TNS2: variants seen among roughly 807,000 people sequenced by gnomAD.
TNS2 encodes the protein tensin 2, also known as tensin-2.
TNS2 carries 77 observed loss-of-function variants against 155.7 expected under a neutral mutation model. That is an observed-to-expected ratio of 0.49 (90% confidence interval 0.41 to 0.60). TNS2 has a LOEUF of 0.60. Ranked by LOEUF, TNS2 falls within the 20% of genes least tolerant of loss-of-function variation. TNS2 has a pLI of 0.00. For synonymous variants in TNS2, 726 were observed against 763.9 expected (o/e 0.95, Z 0.82); for missense variants, 1,703 against 1,868.8 (o/e 0.91, Z 1.64).
Position 53,060,973 on chromosome 12 carries a change from C to T in TNS2, c.3067C>T (p.Pro1023Ser), listed in dbSNP as rs773057802. Reference protein sequence around the residue: ...RHAPWQGPRGPPDSPDGSPLT... With the variant: ...RHAPWQGPRGSPDSPDGSPLT... ...CGCCCCCTGGCAAGGCCCTCGAGGC[C>T]CCCCCGACAGCCCAGATGGGTCTCC... Residue 1023 changes from proline to serine, a missense_variant, in exon 20 of 29, where the codon CCC (proline) becomes TCC (serine). By Grantham distance (74) the Pro-to-Ser change is moderately conservative. Transcript: ENST00000314250. The surrounding 1 kb of genome is among the most constrained non-coding windows in gnomAD (Gnocchi z 6.1). 2 of 1,609,622 alleles carry T rather than the reference C, an allele frequency of 1.2e-6. No homozygotes were observed. Among genetic ancestry groups the T allele is most frequent in the Admixed American group, 1.7e-5 (1 of 59,494 alleles).
chr12:53,047,400 G>A (rs1458778661), upstream of TNS2, among the ~76,000 whole-genome samples: 2 of 145,926 alleles, frequency 1.4e-5, no homozygotes, highest in East Asian at 4.0e-4. Context: ...CGCTGGGCGG[G>A]CGGCGGTCTC....
In TNS2 at chr12:53,060,735, C is replaced by T. The variant is rs771398245; in HGVS notation, c.2829C>T (p.Gly943=). Residue 943 remains glycine, a synonymous_variant, in exon 20 of 29, where the codon GGC becomes GGT. Transcript: ENST00000314250. The surrounding 1 kb of genome is among the most constrained non-coding windows in gnomAD (Gnocchi z 6.1). ...TSAPTQRLSP[G]EALPPVSQAG... is the part of the protein sequence containing the mutation. ...CGCCCACTCAGAGACTGAGTCCTGG[C>T]GAGGCCTTGCCCCCTGTTTCCCAGG... The T allele has an allele frequency of 4.4e-6, 7 of 1,607,132 alleles. No homozygotes were observed. Among genetic ancestry groups the T allele is most frequent in the South Asian group, 2.2e-5 (2 of 90,362 alleles).
Position 53,057,005 on chromosome 12 carries a change from A to G in TNS2, c.762-8A>G, listed in dbSNP as rs1027693904. The G allele has an allele frequency of 1.4e-5, 22 of 1,612,420 alleles. No individual in the cohort carries two copies. The highest frequency in any genetic ancestry group is 1.8e-5 in the Non-Finnish European group (21 of 1,179,422). ...CCTAATCCCCAACACTGGCCTTGCT[A>G]TCCCCAGGGCGGACCAGGCACTGGC... is the stretch of plus-strand genomic sequence containing the variant. On this transcript the variant is annotated splice_region_variant and splice_polypyrimidine_tract_variant and intron_variant, in intron 10 of 28. Coordinates refer to ENST00000314250, the MANE Select transcript of TNS2 (RefSeq NM_170754.4).
At position 53,063,610 on chromosome 12, in the gene TNS2, T is replaced by A. The variant is rs1944454944; in HGVS notation, c.4091+18T>A. On this transcript the variant is annotated intron_variant, in intron 28 of 28. Transcript: ENST00000314250. This position sits in a 1 kb window ranked among gnomAD's most constrained non-coding sequence, Gnocchi z 5.6. ...ACCTCCAAGTAAGCCTCCCCACGAA[T>A]TCAGCCTCTTCCTTCCAAGGGACCA... The A allele has an allele frequency of 6.2e-7, 1 of 1,613,658 alleles. No homozygotes were observed. Among genetic ancestry groups the A allele is most frequent in the Admixed American group, 1.7e-5 (1 of 59,966 alleles).
At position 53,053,764 on chromosome 12, in the gene TNS2, C is replaced by G. The variant is rs764818529; in HGVS notation, c.262-10C>G. 3 of 1,610,778 alleles carry G rather than the reference C, an allele frequency of 1.9e-6. No individual in the cohort carries two copies. The highest frequency in any genetic ancestry group is 1.7e-5 in the Admixed American group (1 of 58,688). ...TAACCACTCCCTTTTCCTCCCCCAT[C>G]TCCCTCTAGCGGCGAAACACGGCCC... On this transcript the variant is annotated splice_polypyrimidine_tract_variant and intron_variant, in intron 4 of 28. Coordinates refer to ENST00000314250, the MANE Select transcript of TNS2 (RefSeq NM_170754.4).
rs771619962 is a variant in TNS2 at position 53,063,756 on chromosome 12, C to T, written c.4104C>T (p.Phe1368=). 7.4e-6 allele frequency: 12 copies of T among 1,613,984 alleles called. No homozygotes were observed. Among genetic ancestry groups the T allele is most frequent in the African/African-American group, 5.3e-5 (4 of 74,930 alleles). ...TTTATCCCCCTAGGATCTTTGGTTT[C>T]GTGGCCAAGAAGCCGGGAAGCCCCT... ...PDGTTSKIFG[F]VAKKPGSPWE... Residue 1368 remains phenylalanine (F), a synonymous_variant, in exon 29 of 29, where the codon TTC becomes TTT. Coordinates refer to ENST00000314250, the MANE Select transcript of TNS2 (RefSeq NM_170754.4). This position sits in a 1 kb window ranked among gnomAD's most constrained non-coding sequence, Gnocchi z 5.6.
In TNS2 at chr12:53,061,193, C is replaced by T. The variant is rs766000141; in HGVS notation, c.3287C>T (p.Ser1096Leu). Reference protein sequence around the residue: ...PGPWGPEQASSPARGISHHVT... With the variant: ...PGPWGPEQASLPARGISHHVT... ...CCCTGGGGCCCAGAGCAGGCATCATCGCCAGCCAGAGGCATCAGTCACCAT... is the reference window on the plus strand; with the variant it reads ...CCCTGGGGCCCAGAGCAGGCATCATTGCCAGCCAGAGGCATCAGTCACCAT... The change falls in exon 20 of 29, where the codon TCG (serine) becomes TTG (leucine). Residue 1096 changes from serine to leucine, a missense_variant. Physicochemically the swap from Ser to Leu is moderately radical, Grantham distance 145. Coordinates refer to ENST00000314250, the MANE Select transcript of TNS2 (RefSeq NM_170754.4). 1.1e-4 allele frequency: 178 copies of T among 1,585,064 alleles called. No homozygotes were observed. Among genetic ancestry groups the T allele is most frequent in the Non-Finnish European group, 1.3e-4 (151 of 1,166,232 alleles).
rs762881429 is a variant in TNS2 at position 53,053,947 on chromosome 12, C to CT, written c.301-17dup. The CT allele has an allele frequency of 1.9e-6, 3 of 1,614,174 alleles. No homozygotes were observed. Among genetic ancestry groups the CT allele is most frequent in the Non-Finnish European group, 1.7e-6 (2 of 1,180,012 alleles). On this transcript the variant is annotated splice_polypyrimidine_tract_variant and intron_variant, in intron 5 of 28. Coordinates refer to ENST00000314250, the MANE Select transcript of TNS2 (RefSeq NM_170754.4). ...GGGTACCCAAAGAGATGTCTAGACACTGTCTGTTAACCACCAGGGATCCAC... is the reference window on the plus strand; with the variant it reads ...GGGTACCCAAAGAGATGTCTAGACACTTGTCTGTTAACCACCAGGGATCCAC...
In TNS2 at chr12:53,061,451, C is replaced by CA; in HGVS notation, c.3431dup (p.His1144GlnfsTer5). 2 of 1,614,096 alleles carry CA rather than the reference C, an allele frequency of 1.2e-6. No individual in the cohort carries two copies. The highest frequency in any genetic ancestry group is 1.7e-6 in the Non-Finnish European group (2 of 1,180,012). Reference sequence around the variant, plus strand: ...TACATCCAAGTTCTGGTACAAGCCACACCTGTCCCGTGACCAAGGTGAGAA... The same window carrying CA: ...TACATCCAAGTTCTGGTACAAGCCACAACCTGTCCCGTGACCAAGGTGAGAA... On this transcript the variant is annotated frameshift_variant, in exon 21 of 29. Coordinates refer to ENST00000314250, the MANE Select transcript of TNS2 (RefSeq NM_170754.4). LOFTEE classifies it high-confidence loss of function.
chr12:53,052,265 G>A (rs1230859053), intron 2 of TNS2, 190 bp from the exon 3 acceptor site: 5 of 715,948 alleles, frequency 7.0e-6, no homozygotes, highest in Middle Eastern at 4.0e-4. Context: ...CCTGGCCTGG[G>A]CAGTAGTACC....
In TNS2 at chr12:53,057,141, A is replaced by G. The variant is rs573377989; in HGVS notation, c.845+45A>G. On this transcript the variant is annotated intron_variant, in intron 11 of 28. Transcript: ENST00000314250. ...ATGGGCCAGAGGAGCAGCTCCCTTC[A>G]TGGCTACCAAGGCCAAGACTCTCTT... is the stretch of plus-strand genomic sequence containing the variant. 79 of 1,571,238 alleles carry G rather than the reference A, an allele frequency of 5.0e-5. No individual in the cohort carries two copies. In the South Asian group the frequency reaches 8.5e-4, roughly 17 times the overall value.
chr12:53,052,763 G>T (rs1365448453), intron 3 of TNS2, among the ~76,000 whole-genome samples: 3 of 151,356 alleles, frequency 2.0e-5, no homozygotes, highest in Non-Finnish European at 3.0e-5. Flanking sequence ...GAGGATGGGG[G>T]TGGGGAAGAG....
chr12:53,058,790 T>G lies in TNS2; in HGVS notation c.1368T>G (p.Tyr456Ter). The G allele has an allele frequency of 6.2e-7, 1 of 1,613,798 alleles. No homozygotes were observed. The highest frequency in any genetic ancestry group is 8.5e-7 in the Non-Finnish European group (1 of 1,179,974). Residue 456 changes from tyrosine (Y) to a stop codon, truncating the protein, a stop_gained, in exon 17 of 29, where the codon TAT becomes TAG. Transcript: ENST00000314250. LOFTEE classifies it high-confidence loss of function. ...AGCCAGCCGTGCGCTGGGACTCCTA[T>G]GAGAACTTCAACCAGCACCACGAGG... ...TTEPAVRWDS[Y>*]ENFNQHHEDS...
chr12:53,059,053 T>G lies in TNS2; in HGVS notation c.1412T>G (p.Leu471Trp), dbSNP rs1424565759. 1 of 1,538,154 alleles carries G rather than the reference T, an allele frequency of 6.5e-7. No homozygotes were observed. Among genetic ancestry groups the G allele is most frequent in the Admixed American group, 2.0e-5 (1 of 49,572 alleles). ...QHHEDSVDGS[L>W]THTRGPLDGS... ...GATCCTCTTCCCCACTCAGGCTCCT[T>G]GACCCACACCCGGGGTCCCCTGGAT... Residue 471 changes from leucine (L) to tryptophan (W), a missense_variant, in exon 18 of 29, where the codon TTG becomes TGG. By Grantham distance (61) the Leu-to-Trp change is moderately conservative. Transcript: ENST00000314250. The surrounding 1 kb of genome is among the most constrained non-coding windows in gnomAD (Gnocchi z 4.7).
intron 21 of TNS2, 101 bp downstream of exon 21, chr12:53,061,570 T>G: frequency 1.4e-6 from 2 of 1,410,646 alleles, no homozygotes; most frequent in Non-Finnish European, 2.0e-6. Flanking sequence ...TCCTCCTGTC[T>G]GAGCTGTGTT....
chr12:53,054,227 G>A (rs371299837), intron 6 of TNS2, 43 bp from the exon 7 acceptor site: 6 of 1,609,016 alleles, frequency 3.7e-6, no homozygotes, highest in Admixed American at 3.4e-5. Context: ...GCCACCTCCG[G>A]GTGCCCCGCC....
Position 53,061,428 on chromosome 12 carries a change from C to T in TNS2, c.3407C>T (p.Thr1136Ile), listed in dbSNP as rs1374534056. 1 of 1,614,014 alleles carries T rather than the reference C, an allele frequency of 6.2e-7. No individual in the cohort carries two copies. The highest frequency in any genetic ancestry group is 1.3e-5 in the African/African-American group (1 of 75,032). ...SQSNVKFVQD[T>I]SKFWYKPHLS... is the part of the protein sequence containing the mutation. ...AGCAATGTCAAGTTTGTCCAGGATA[C>T]ATCCAAGTTCTGGTACAAGCCACAC... is the stretch of plus-strand genomic sequence containing the variant. The change falls in exon 21 of 29, where the codon ACA becomes ATA. Residue 1136 changes from threonine to isoleucine, a missense_variant. Transcript: ENST00000314250.
At chr12:53,062,938 A>G (rs760164689) in intron 25 of TNS2, 151 bp from the exon 26 acceptor site, 8 of 1,094,650 alleles carry the variant, frequency 7.3e-6, no homozygotes, top group Non-Finnish European at 1.0e-5. Context: ...TTCTGACTGT[A>G]GATCCAGTAG....
chr12:53,061,346 C>G (rs1218721356), intron 20 of TNS2, 34 bp from the exon 21 acceptor site: 3 of 1,613,462 alleles, frequency 1.9e-6, no homozygotes, highest in South Asian at 1.1e-5. Flanking sequence ...ACCCGGGTAC[C>G]CTGGGGTCTG....
Sources: gnomAD v4.1 joint callset for allele counts (sites outside exome capture counted in the v4.1 genomes callset) on GRCh38, gnomAD v4.1.1 for gene constraint, Gnocchi (gnomAD v3.1) non-coding constraint, MANE v1.5 for transcripts, NCBI Gene and HGNC (gene_info 2026-07-23, HGNC 2026-07-21) for gene names.